The following CDC27 variants were observed in gnomAD, a reference collection of about 807,000 sequenced individuals.
CDC27 encodes cell division cycle protein 27 homolog.
A neutral mutation model predicts 109.7 loss-of-function variants in CDC27; 27 were observed. The ratio of observed to expected loss-of-function variants is 0.25; its 90% CI spans 0.18 to 0.34. The LOEUF (loss-of-function observed/expected upper bound fraction) is 0.34. Among genes scored for constraint, CDC27 ranks in the 10% least tolerant of loss-of-function variants. The pLI, the probability that CDC27 is intolerant of heterozygous loss-of-function variation, is 1.00. For synonymous variants in CDC27, 266 were observed against 333.9 expected (o/e 0.80, Z 2.22); for missense variants, 579 against 960.2 (o/e 0.60, Z 5.25).
At chr17:47,133,052 CACAT>C (rs1555783935) in intron 14 of CDC27, among the ~76,000 whole-genome samples, 3 of 70,686 alleles carry the variant, frequency 4.2e-5, no homozygotes, top group South Asian at 9.1e-4. Flanking sequence ...CACACACACA[CACAT>C]ACATATACAC....
chr17:47,144,865 T>C (rs2062906059), intron 9 of CDC27, among the ~76,000 whole-genome samples: 1 of 115,024 alleles, frequency 8.7e-6, no homozygotes. Flanking sequence ...TGCATGTGTG[T>C]GTATATCACA....
rs746545405 is a variant in CDC27 at position 47,138,860 on chromosome 17, A to G, written c.1583T>C (p.Ile528Thr). Residue 528 changes from isoleucine (I) to threonine (T), a missense_variant, in exon 13 of 19, where the codon ATT (isoleucine) becomes ACT (threonine). Transcript: ENST00000066544. The stretch of plus-strand genomic sequence containing the variant: ...CATGCCTTCAACTCTATAATTCTCA[A>G]TCCTTCTAACCTCTGAGAATATTCT... Reference protein sequence around the residue: ...AERIFSEVRRIENYRVEGMEI... With the variant: ...AERIFSEVRRTENYRVEGMEI... The G allele has an allele frequency of 2.5e-6, 4 of 1,602,882 alleles. No homozygotes were observed. The highest frequency in any genetic ancestry group is 2.7e-5 in the African/African-American group (2 of 74,420).
At chr17:47,168,995 CTT>C (rs1160478815) in intron 4 of CDC27, among the ~76,000 whole-genome samples, 1 of 121,538 alleles carries the variant, frequency 8.2e-6, no homozygotes. Flanking sequence ...TTTTTTTTTT[CTT>C]TTTTTTTTTT....
intron 14 of CDC27, among the ~76,000 whole-genome samples, chr17:47,133,028 T>TATATATACATACAC: frequency 3.4e-5 from 1 of 29,824 alleles, no homozygotes; most frequent in South Asian, 1.1e-3. Flanking sequence ...TATATATATA[T>TATATATACATACAC]ACACACACAC....
intron 14 of CDC27, among the ~76,000 whole-genome samples, chr17:47,134,292 C>T (rs1403288592): frequency 6.7e-6 from 1 of 148,740 alleles, no homozygotes; most frequent in Non-Finnish European, 1.5e-5. Context: ...AACCACACCC[C>T]TAAACCCATA....
intron 4 of CDC27, among the ~76,000 whole-genome samples, chr17:47,162,569 T>C (rs2063528467): frequency 6.6e-6 from 1 of 152,202 alleles, no homozygotes; most frequent in Non-Finnish European, 1.5e-5. Context: ...AAAGTTGCAT[T>C]AGTGAACTGT....
rs1439685774 is a variant in CDC27 at position 47,129,501 on chromosome 17, T to A, written c.2052A>T (p.Lys684Asn). ...HIGVVQHALK[K>N]SEKALDTLNK... ...TTAGGGTATCCAAAGCCTTCTCTGATTTTTTCAGTGCATGTTGAACCTGTA... is the reference window on the plus strand; with the variant it reads ...TTAGGGTATCCAAAGCCTTCTCTGAATTTTTCAGTGCATGTTGAACCTGTA... Residue 684 changes from lysine (K) to asparagine (N), a missense_variant, in exon 16 of 19, where the codon AAA becomes AAT. Coordinates refer to ENST00000066544, the MANE Select transcript of CDC27 (RefSeq NM_001256.6). The A allele has an allele frequency of 6.2e-7, 1 of 1,605,898 alleles. No homozygotes were observed. The highest frequency in any genetic ancestry group is 2.2e-5 in the East Asian group (1 of 44,754).
At chr17:47,185,891 A>T (rs951568477) in intron 1 of CDC27, among the ~76,000 whole-genome samples, 1 of 152,214 alleles carries the variant, frequency 6.6e-6, no homozygotes, top group African/African-American at 2.4e-5. Flanking sequence ...CTTACTCCCA[A>T]TTAATGCCCC....
chr17:47,139,266 C>CTTT (rs758367976), intron 12 of CDC27, among the ~76,000 whole-genome samples: 12 of 137,890 alleles, frequency 8.7e-5, no homozygotes, highest in African/African-American at 2.4e-4. Context: ...CAGAATAACT[C>CTTT]TTTTTTTTTT....
intron 4 of CDC27, 112 bp from the exon 5 acceptor site, chr17:47,158,415 G>A: frequency 2.3e-6 from 1 of 431,652 alleles, no homozygotes; most frequent in Non-Finnish European, 4.0e-6. Flanking sequence ...AGCACTCTTT[G>A]TGATGCTTCT....
intron 12 of CDC27, among the ~76,000 whole-genome samples, chr17:47,140,301 A>G (rs932064823): frequency 2.9e-4 from 44 of 152,060 alleles, no homozygotes; most frequent in Non-Finnish European, 7.4e-5. Context: ...TTTTGTAGAG[A>G]CAGGGTCTCA....
chr17:47,134,143 C>G (rs2062491147), intron 14 of CDC27, among the ~76,000 whole-genome samples: 2 of 152,058 alleles, frequency 1.3e-5, no homozygotes, highest in South Asian at 4.1e-4. Flanking sequence ...AAACAATCCT[C>G]CCACCTTGGC....
intron 1 of CDC27, among the ~76,000 whole-genome samples, chr17:47,188,401 A>T (rs559103133): frequency 6.6e-6 from 1 of 152,312 alleles, no homozygotes; most frequent in South Asian, 2.1e-4. Context: ...ACCCTGGTGT[A>T]AAGGCAGTGA....
rs1325342954 is a variant in CDC27 at position 47,132,372 on chromosome 17, T to C, written c.1916A>G (p.Tyr639Cys). 2.1e-6 allele frequency: 3 copies of C among 1,421,450 alleles called. No homozygotes were observed. Among genetic ancestry groups the C allele is most frequent in the Non-Finnish European group, 2.9e-6 (3 of 1,023,132 alleles). The allele number at this position is 1,421,450 out of a possible 1,614,324, so 88.1% of individuals were successfully genotyped here. A position where few individuals can be genotyped will look rare whatever the true frequency, so the allele number is the denominator to read the frequency against. ...RVNPRHYNAW[Y>C]GLGMIYYKQE... The stretch of plus-strand genomic sequence containing the variant: ...CTTGTAATAAATCATTCCTAAACCA[T>C]ACCTGAAAGTATAAAACAAAGTATA... Residue 639 changes from tyrosine (Y) to cysteine (C), a missense_variant and splice_region_variant, in exon 15 of 19, where the codon TAT becomes TGT. This residue lies in a region of CDC27 where 227 missense variants were observed against 363.6 expected (regional missense o/e 0.62). Transcript: ENST00000066544.
intron 9 of CDC27, among the ~76,000 whole-genome samples, chr17:47,151,305 C>T (rs1222800075): frequency 6.6e-6 from 1 of 152,170 alleles, no homozygotes; most frequent in Non-Finnish European, 1.5e-5. Flanking sequence ...AATTTAGGTA[C>T]ATGTTCACAG....
intron 14 of CDC27, among the ~76,000 whole-genome samples, chr17:47,136,850 A>G (rs2062615758): frequency 6.6e-6 from 1 of 152,232 alleles, no homozygotes; most frequent in Non-Finnish European, 1.5e-5. Context: ...TTCGAAGAAA[A>G]AGCAACAAAG....
rs763689938 is a variant in CDC27 at position 47,189,214 on chromosome 17, C to G, written c.-42G>C. ...CACTTTCTGCAGTGCCTCAGGCCCCCCCTGTAGCGGCTCCGGCCCGGCCAG... is the reference window on the plus strand; with the variant it reads ...CACTTTCTGCAGTGCCTCAGGCCCCGCCTGTAGCGGCTCCGGCCCGGCCAG... On this transcript the variant is annotated 5_prime_UTR_variant, in exon 1 of 19. Transcript: ENST00000066544. 35 of 1,559,814 alleles carry G rather than the reference C, an allele frequency of 2.2e-5. 2 individuals are homozygous for G. In the South Asian group the frequency reaches 2.8e-4, roughly 12 times the overall value.
chr17:47,154,608 T>G, intron 8 of CDC27, 64 bp downstream of exon 8: 1 of 854,460 alleles, frequency 1.2e-6, no homozygotes, highest in South Asian at 1.6e-5. Context: ...AGATTACCTT[T>G]AAAAGATTGA....
intron 2 of CDC27, among the ~76,000 whole-genome samples, chr17:47,176,610 G>A (rs576206131): frequency 6.6e-6 from 1 of 152,236 alleles, no homozygotes; most frequent in African/African-American, 2.4e-5. Context: ...TTTGTAAACT[G>A]TGTAAAGATT....
Sources: gnomAD v4.1 joint callset for allele counts (sites outside exome capture counted in the v4.1 genomes callset) on GRCh38, gnomAD v4.1.1 for gene constraint, gnomAD v4.1.1 regional missense constraint, MANE v1.5 for transcripts, NCBI Gene and HGNC (gene_info 2026-07-23, HGNC 2026-07-21) for gene names.